Variants in IFT140 observed in about 807,000 individuals in gnomAD.
IFT140 encodes the protein intraflagellar transport protein 140 homolog.
A neutral mutation model predicts 164.6 loss-of-function variants in IFT140; 133 were observed. The ratio of observed to expected loss-of-function variants is 0.81; its 90% confidence interval spans 0.70 to 0.93. The LOEUF (loss-of-function observed/expected upper bound fraction) is 0.93, where lower values mean the gene tolerates loss of function less well. IFT140 is among the 40% of genes least tolerant of loss of function. IFT140 has a pLI of 0.00. For synonymous variants in IFT140, 860 were observed against 817.3 expected (o/e 1.05, Z -0.89); for missense variants, 2,045 against 1,972.3 (o/e 1.04, Z -0.70).
chr16:1,536,368 C>T (rs1324004134), intron 19 of IFT140, among the ~76,000 whole-genome samples: 1 of 152,214 alleles, frequency 6.6e-6, no homozygotes, highest in African/African-American at 2.4e-5. Flanking sequence ...AGGCCCCTCA[C>T]AGAGCCCCCT....
chr16:1,513,617 G>C (rs374420423), intron 30 of IFT140, among the ~76,000 whole-genome samples: 17 of 152,066 alleles, frequency 1.1e-4, no homozygotes, highest in East Asian at 7.7e-4. Context: ...GCCGTGAGCA[G>C]GCTGATGCTG....
At chr16:1,552,602 G>C (rs1217291667) in intron 19 of IFT140, among the ~76,000 whole-genome samples, 1 of 150,904 alleles carries the variant, frequency 6.6e-6, no homozygotes, top group East Asian at 2.0e-4. Context: ...CGCACTGGTA[G>C]AAATGCCAGA....
intron 19 of IFT140, among the ~76,000 whole-genome samples, chr16:1,538,663 T>C (rs2031316745): frequency 6.6e-6 from 1 of 152,224 alleles, no homozygotes; most frequent in African/African-American, 2.4e-5. Flanking sequence ...GGCTTCTGAA[T>C]GGAAGTCATT....
chr16:1,582,653 C>T (rs543538276), intron 12 of IFT140, among the ~76,000 whole-genome samples: 1 of 152,392 alleles, frequency 6.6e-6, no homozygotes, highest in Non-Finnish European at 1.5e-5. Context: ...CCTGTAATCA[C>T]ACCACTTTGG....
rs117050042 is a variant in IFT140, at chr16:1,536,882, A to G, written c.2400-10086T>C. 1.1e-3 allele frequency among the ~76,000 whole-genome samples: 163 copies of G among 152,224 alleles called. 3 individuals are homozygous for G. In the South Asian group the frequency reaches 0.029, roughly 28 times the overall value. ...CCACTCACGTGCACCCATGTCCCCA[A>G]TCGGGTGAGGGGCTGCTACCTGCCA... On this transcript the variant is annotated intron_variant, in intron 19 of 30. Transcript: ENST00000426508.
chr16:1,562,770 T>A (rs1242583983), intron 17 of IFT140, among the ~76,000 whole-genome samples: 1 of 151,296 alleles, frequency 6.6e-6, no homozygotes, highest in Non-Finnish European at 1.5e-5. Context: ...GGACTCCATC[T>A]CAAAAATAAA....
At chr16:1,545,972 C>T (rs182315073) in intron 19 of IFT140, among the ~76,000 whole-genome samples, 9 of 152,336 alleles carry the variant, frequency 5.9e-5, no homozygotes, top group African/African-American at 1.2e-4. Context: ...GCTTGGCTGC[C>T]GCTGCCCTTG....
Position 1,558,085 on chromosome 16 carries a change from A to T in IFT140, c.2249T>A (p.Ile750Asn). ...EDEVEPGCHHIPQMVSRRPLR... is the reference protein window; with the variant it reads ...EDEVEPGCHHNPQMVSRRPLR... ...GGGTCTCCTGGACACCATCTGAGGG[A>T]TGTGGTGGCACCCAGGCTCCACCTC... Residue 750 changes from isoleucine (I) to asparagine (N), a missense_variant, in exon 19 of 31, where the codon ATC (isoleucine) becomes AAC (asparagine). Physicochemically the swap from Ile to Asn is moderately radical, Grantham distance 149 (BLOSUM62 -3). Transcript: ENST00000426508. 1 of 1,614,094 alleles carries T rather than the reference A, an allele frequency of 6.2e-7. No individual in the cohort carries two copies. Among genetic ancestry groups the T allele is most frequent in the Non-Finnish European group, 8.5e-7 (1 of 1,180,016 alleles).
intron 19 of IFT140, among the ~76,000 whole-genome samples, chr16:1,528,452 C>CATGCACACACACATGG (rs892257905): frequency 6.6e-6 from 1 of 151,336 alleles, no homozygotes; most frequent in Admixed American, 6.6e-5. Flanking sequence ...CATTCACATG[C>CATGCACACACACATGG]ATGCACACAC....
At chr16:1,537,383 T>C (rs1188826251) in intron 19 of IFT140, among the ~76,000 whole-genome samples, 1 of 152,164 alleles carries the variant, frequency 6.6e-6, no homozygotes, top group East Asian at 1.9e-4. Context: ...CATCCAGCGC[T>C]CGTCACTCGC....
chr16:1,544,826 T>C (rs1460630044), intron 19 of IFT140, among the ~76,000 whole-genome samples: 1 of 151,610 alleles, frequency 6.6e-6, no homozygotes, highest in Non-Finnish European at 1.5e-5. Flanking sequence ...TTTTTTGTAT[T>C]TTTAGTAGAG....
intron 19 of IFT140, among the ~76,000 whole-genome samples, chr16:1,528,490 C>T (rs2030049818): frequency 1.3e-5 from 2 of 151,744 alleles, no homozygotes; most frequent in Admixed American, 1.3e-4. Context: ...AGCACATGCA[C>T]TCACATACAC....
intron 19 of IFT140, among the ~76,000 whole-genome samples, chr16:1,536,038 G>A (rs999073610): frequency 6.6e-6 from 1 of 152,232 alleles, no homozygotes; most frequent in Non-Finnish European, 1.5e-5. Flanking sequence ...CCTGGAGGTG[G>A]GGCCGGGCGC....
At chr16:1,598,784 C>G (rs2035596224) in intron 4 of IFT140, among the ~76,000 whole-genome samples, 1 of 152,254 alleles carries the variant, frequency 6.6e-6, no homozygotes, top group Admixed American at 6.5e-5. Context: ...GGAGCAGCCG[C>G]CTGCCTTGGC....
At chr16:1,571,080 A>T (rs968036572) in intron 14 of IFT140, among the ~76,000 whole-genome samples, 1 of 152,182 alleles carries the variant, frequency 6.6e-6, no homozygotes, top group African/African-American at 2.4e-5. Flanking sequence ...AAACATTTGT[A>T]TACATTAAGG....
At chr16:1,569,003 GTTTTT>G (rs58205807) in intron 14 of IFT140, among the ~76,000 whole-genome samples, 2 of 126,302 alleles carry the variant, frequency 1.6e-5, no homozygotes, top group Non-Finnish European at 3.4e-5. Flanking sequence ...GTGGTAGCTT[GTTTTT>G]TTTTTTTTTT....
chr16:1,518,950 C>G (rs1163696627), intron 29 of IFT140, among the ~76,000 whole-genome samples: 1 of 152,164 alleles, frequency 6.6e-6, no homozygotes, highest in Non-Finnish European at 1.5e-5. Flanking sequence ...TGGCCACCCA[C>G]TGACTCGGCC....
intron 19 of IFT140, 107 bp from the exon 20 acceptor site, chr16:1,526,903 C>A: frequency 1.6e-6 from 2 of 1,279,426 alleles, no homozygotes; most frequent in Non-Finnish European, 1.1e-6. Flanking sequence ...AGCTGCCAAA[C>A]GGGCATGAGG....
At chr16:1,609,576 A>C (rs1252827481) in intron 2 of IFT140, among the ~76,000 whole-genome samples, 2 of 152,262 alleles carry the variant, frequency 1.3e-5, no homozygotes, top group African/African-American at 4.8e-5. Context: ...TGCCTTGCAC[A>C]GAACAGGCCC....
Sources: gnomAD v4.1 joint callset for allele counts (sites outside exome capture counted in the v4.1 genomes callset) on GRCh38, gnomAD v4.1.1 for gene constraint, MANE v1.5 for transcripts, NCBI Gene and HGNC (gene_info 2026-07-23, HGNC 2026-07-21) for gene names.